Variants in KLHL1 observed in about 807,000 individuals in gnomAD.
KLHL1 encodes kelch-like protein 1.
KLHL1 carries 47 observed loss-of-function variants against 77.7 expected under a neutral mutation model. The ratio of observed to expected loss-of-function variants is 0.60; its 90% confidence interval spans 0.48 to 0.77. The LOEUF is 0.77. Among genes scored for constraint, KLHL1 ranks in the 30% least tolerant of loss-of-function variants. The probability of loss-of-function intolerance (pLI) is 0.00; values close to 1 mark genes in which losing one functional copy is unlikely to be tolerated. For synonymous variants in KLHL1, 360 were observed against 325.2 expected (o/e 1.11, Z -1.15); for missense variants, 925 against 910.8 (o/e 1.02, Z -0.20).
chr13:69,957,377 C>A (rs1883924076), intron 3 of KLHL1, among the ~76,000 whole-genome samples: 1 of 151,594 alleles, frequency 6.6e-6, no homozygotes, highest in African/African-American at 2.4e-5. Flanking sequence ...AAGCTGTATT[C>A]TATCAGTTTT....
chr13:70,100,292 G>A (rs1400815495), intron 1 of KLHL1, among the ~76,000 whole-genome samples: 1 of 151,708 alleles, frequency 6.6e-6, no homozygotes, highest in Non-Finnish European at 1.5e-5. Flanking sequence ...ATTATAACAT[G>A]TATCATCTTT....
At chr13:70,101,048 C>A (rs181617216) in intron 1 of KLHL1, among the ~76,000 whole-genome samples, 84 of 152,106 alleles carry the variant, frequency 5.5e-4, no homozygotes, top group African/African-American at 2.0e-3. Context: ...AAGCATAATA[C>A]CTGAGGATAC....
At chr13:69,822,860 T>C (rs1737356881) in intron 6 of KLHL1, among the ~76,000 whole-genome samples, 1 of 152,172 alleles carries the variant, frequency 6.6e-6, no homozygotes, top group South Asian at 2.1e-4. Context: ...TTAATGCACA[T>C]AAAATTTAGA....
At position 69,708,562 on chromosome 13, in the gene KLHL1, T is replaced by C. The variant is rs553183227; in HGVS notation, c.2016-766A>G. 1.4e-4 allele frequency among the ~76,000 whole-genome samples: 22 copies of C among 152,142 alleles called. No individual in the cohort carries two copies. In the South Asian group the frequency reaches 4.6e-3, roughly 32 times the overall value. ...TCAGGATTCACAGTGAGGGAAAGAC[T>C]AGTAATTCAAGAGATCAAAGTCAGA... is the stretch of plus-strand genomic sequence containing the variant. On this transcript the variant is annotated intron_variant, in intron 9 of 10. Transcript: ENST00000377844.
At chr13:70,074,185 T>A (rs1174920505) in intron 1 of KLHL1, among the ~76,000 whole-genome samples, 1 of 152,036 alleles carries the variant, frequency 6.6e-6, no homozygotes, top group African/African-American at 2.4e-5. Flanking sequence ...TTTGAAGAAT[T>A]AAGAGATTTG....
chr13:69,900,189 C>T (rs766837367), intron 4 of KLHL1, among the ~76,000 whole-genome samples: 22 of 152,166 alleles, frequency 1.4e-4, no homozygotes, highest in African/African-American at 3.9e-4. Flanking sequence ...TATAAAATTT[C>T]GGATTCATTG....
chr13:69,746,695 T>C lies in KLHL1; in HGVS notation c.1640-6139A>G, dbSNP rs374178655. 1.2e-4 allele frequency among the ~76,000 whole-genome samples: 18 copies of C among 152,110 alleles called. No homozygotes were observed. The East Asian group carries it at 2.1e-3, about 18-fold the overall frequency. ...TTTTTCCTTTTCCCCGTGTGTCACC[T>C]TATTGTTGAGAGAACGCAAATGATT... On this transcript the variant is annotated intron_variant, in intron 7 of 10. Coordinates refer to ENST00000377844, the MANE Select transcript of KLHL1 (RefSeq NM_020866.3).
chr13:69,706,262 C>T (rs113414914), intron 10 of KLHL1, among the ~76,000 whole-genome samples: 1,766 of 151,806 alleles, frequency 0.012, 39 homozygotes, highest in African/African-American at 0.04. Context: ...CTTCTTTTCT[C>T]TACTCCTTCT....
At chr13:70,053,905 T>A (rs748733639) in intron 1 of KLHL1, among the ~76,000 whole-genome samples, 2 of 152,096 alleles carry the variant, frequency 1.3e-5, no homozygotes, top group African/African-American at 4.8e-5. Flanking sequence ...GTCTACCTAC[T>A]TTCTTGCTGC....
chr13:69,838,532 A>T (rs559699853), intron 6 of KLHL1, among the ~76,000 whole-genome samples: 1 of 151,930 alleles, frequency 6.6e-6, no homozygotes, highest in East Asian at 1.9e-4. Flanking sequence ...ATAAATTATA[A>T]CTTTCACCAT....
intron 5 of KLHL1, among the ~76,000 whole-genome samples, chr13:69,873,330 AC>A (rs1880652419): frequency 6.6e-6 from 1 of 152,194 alleles, no homozygotes; most frequent in Non-Finnish European, 1.5e-5. Context: ...ACACTTGCAC[AC>A]AAAATACCAC....
At chr13:69,884,027 T>C (rs1400345254) in intron 4 of KLHL1, among the ~76,000 whole-genome samples, 9 of 152,146 alleles carry the variant, frequency 5.9e-5, no homozygotes, top group South Asian at 2.1e-4. Flanking sequence ...CAAAGAAGCA[T>C]TGTGACCGTG....
chr13:69,837,511 T>C (rs1879048004), intron 6 of KLHL1, among the ~76,000 whole-genome samples: 1 of 150,694 alleles, frequency 6.6e-6, no homozygotes, highest in Admixed American at 6.7e-5. Flanking sequence ...AGCTATATAA[T>C]GTCCGAGAGA....
At chr13:69,729,180 G>T (rs7335446) in intron 8 of KLHL1, among the ~76,000 whole-genome samples, 15,935 of 151,898 alleles carry the variant, frequency 0.1, 1,307 homozygotes, top group African/African-American at 0.23. Flanking sequence ...CACTTTTTTT[G>T]TGTGTGTTTT....
chr13:70,000,590 A>G (rs1885264147), intron 1 of KLHL1, among the ~76,000 whole-genome samples: 1 of 151,934 alleles, frequency 6.6e-6, no homozygotes, highest in Admixed American at 6.6e-5. Context: ...AATAAGTGAC[A>G]TGAAATACAT....
rs1555300735 is a variant in KLHL1, at chr13:69,721,075, A to AAATTCCT, written c.1803-1495_1803-1494insAGGAATT. Among the ~76,000 whole-genome samples the AAATTCCT allele has an allele frequency of 5.8e-5, 4 of 68,510 alleles. 2 individuals are homozygous for AAATTCCT. The highest frequency in any genetic ancestry group is 1.4e-4 in the Non-Finnish European group (4 of 28,862). The allele number at this position is 68,510 out of a possible 152,430, so 44.9% of individuals were successfully genotyped here. The stretch of plus-strand genomic sequence containing the variant: ...GATAGCTACTAAGATATATATATAT[A>AAATTCCT]TATAAAGCTATGTACCTCCCTTACA... On this transcript the variant is annotated intron_variant, in intron 8 of 10. Transcript: ENST00000377844.
At chr13:69,795,418 ATCTG>A (rs149975982) in intron 7 of KLHL1, among the ~76,000 whole-genome samples, 3,499 of 152,312 alleles carry the variant, frequency 0.023, 127 homozygotes, top group African/African-American at 0.08. Context: ...AAACTCTGTT[ATCTG>A]TCTAACATGT....
intron 4 of KLHL1, among the ~76,000 whole-genome samples, chr13:69,887,684 C>T (rs116706805): frequency 7.8e-4 from 119 of 152,250 alleles, no homozygotes; most frequent in African/African-American, 2.8e-3. Flanking sequence ...TACCAAAAAC[C>T]CATTCCTCAT....
rs570247910 is a variant in KLHL1, at chr13:69,801,051, G to C, written c.1415-4089C>G. ...TCTGTGCGTAGAATATACATTATTC[G>C]GGTGATGACTACCTAAAGCCCTCGA... On this transcript the variant is annotated intron_variant, in intron 6 of 10. Transcript: ENST00000377844. 2.0e-5 allele frequency among the ~76,000 whole-genome samples: 3 copies of C among 152,246 alleles called. No homozygotes were observed. In the East Asian group the frequency reaches 5.8e-4, roughly 29 times the overall value.
Sources: allele counts gnomAD v4.1 joint callset (sites outside exome capture counted in the v4.1 genomes callset), GRCh38; gene constraint gnomAD v4.1.1; transcripts MANE v1.5; gene names NCBI Gene and HGNC (gene_info 2026-07-23, HGNC 2026-07-21).